Variants in SDR42E1 observed in about 807,000 individuals in gnomAD.
The protein encoded by SDR42E1 is short chain dehydrogenase/reductase family 42E, member 1, also known as short-chain dehydrogenase/reductase family 42E member 1.
A neutral mutation model predicts 2.6 loss-of-function variants in SDR42E1; 5 were observed. The observed-to-expected ratio is 1.94, with a 90% confidence interval of 1.01 to 4.08. SDR42E1 has a LOEUF of 4.08. Among genes scored for constraint, SDR42E1 ranks in the 30% most tolerant of loss-of-function variants. The probability of loss-of-function intolerance (pLI) is 0.00; values close to 1 mark genes in which losing one functional copy is unlikely to be tolerated. For synonymous variants in SDR42E1, 231 were observed against 188.3 expected, an observed-to-expected ratio of 1.23 and a Z score of -1.86; for missense variants, 596 against 478.6, an observed-to-expected ratio of 1.25 and a Z score of -2.29.
chr16:82,003,590 C>T (rs1472373333), intron 1 of SDR42E1, among the ~76,000 whole-genome samples: 6 of 152,314 alleles, frequency 3.9e-5, no homozygotes, highest in Non-Finnish European at 5.9e-5. Flanking sequence ...CAGTGTGACA[C>T]ATCGTATACT....
chr16:82,008,876 G>A (rs1417527834), intron 1 of SDR42E1, among the ~76,000 whole-genome samples: 2 of 152,216 alleles, frequency 1.3e-5, no homozygotes, highest in African/African-American at 4.8e-5. Context: ...CAAAGGCCCA[G>A]AAGTCTAGGA....
In SDR42E1 at chr16:82,000,216, C is replaced by T. The variant is rs1912710158; in HGVS notation, c.77G>A (p.Cys26Tyr). The T allele has an allele frequency of 6.2e-7, 1 of 1,606,252 alleles. No individual in the cohort carries two copies. The highest frequency in any genetic ancestry group is 1.3e-5 in the African/African-American group (1 of 74,860). Residue 26 changes from cysteine to tyrosine, a missense_variant, in exon 3 of 3, where the codon TGT (cysteine) becomes TAT (tyrosine). Transcript: ENST00000328945. ...GSGYFGFRLGCALNQNGVHVI... is the reference protein window; with the variant it reads ...GSGYFGFRLGYALNQNGVHVI... The stretch of plus-strand genomic sequence containing the variant: ...ATGGACTCCATTTTGGTTCAGGGCA[C>T]AGCCCAGGCTGAAATAAGAAACAGT...
In SDR42E1 at chr16:81,993,790, A is replaced by G. The variant is rs1912480996; in HGVS notation, c.*5321T>C. The G allele has an allele frequency of 6.6e-6, 1 of 152,030 alleles. No individual in the cohort carries two copies. The allele number at this position is 152,030 out of a possible 1,614,324, so 9.4% of individuals were successfully genotyped here. A position where few individuals can be genotyped will look rare whatever the true frequency, so the allele number is the denominator to read the frequency against. On this transcript the variant is annotated 3_prime_UTR_variant, in exon 3 of 3. Transcript: ENST00000328945. ...TTCTGGGGAGCAAATCACTTCATCA[A>G]ACAATTTCCATATAAAACAAGAGTT...
In SDR42E1 at chr16:82,000,121, T is replaced by A. The variant is rs1189614892; in HGVS notation, c.172A>T (p.Ile58Phe). 7 of 1,614,272 alleles carry A rather than the reference T, an allele frequency of 4.3e-6. No individual in the cohort carries two copies. The change falls in exon 3 of 3, where the codon ATC (isoleucine) becomes TTC (phenylalanine). Residue 58 changes from isoleucine (I) to phenylalanine (F), a missense_variant. Coordinates refer to ENST00000328945, the MANE Select transcript of SDR42E1 (RefSeq NM_145168.3). ...TTCTCTACGTCAGACAGGTGGCGGA[T>A]GTCTCCTTGTATAAACTTGATTCCT... Reference protein sequence around the residue: ...PEGIKFIQGDIRHLSDVEKAF... With the variant: ...PEGIKFIQGDFRHLSDVEKAF...
chr16:82,000,097 T>C lies in SDR42E1; in HGVS notation c.196A>G (p.Lys66Glu), dbSNP rs763198395. The C allele has an allele frequency of 3.7e-6, 6 of 1,614,120 alleles. No homozygotes were observed. The African/African-American group carries it at 8.0e-5, about 22-fold the overall frequency. ...GDIRHLSDVE[K>E]AFQDADVTCV... is the part of the protein sequence containing the mutation. The stretch of plus-strand genomic sequence containing the variant: ...GTGACGTCTGCATCCTGGAAGGCTT[T>C]CTCTACGTCAGACAGGTGGCGGATG... Residue 66 changes from lysine to glutamate, a missense_variant, in exon 3 of 3, where the codon AAA becomes GAA. Coordinates refer to ENST00000328945, the MANE Select transcript of SDR42E1 (RefSeq NM_145168.3).
At chr16:82,007,801 A>T (rs1157463874) in intron 1 of SDR42E1, 1 of 152,216 alleles carries the variant, frequency 6.6e-6, no homozygotes, top group African/African-American at 2.4e-5. Context: ...TCTGGGCATT[A>T]GACTTGGCTC....
chr16:82,000,296 T>C lies in SDR42E1; in HGVS notation c.69-72A>G, dbSNP rs766324320. On this transcript the variant is annotated intron_variant, in intron 2 of 2. Coordinates refer to ENST00000328945, the MANE Select transcript of SDR42E1 (RefSeq NM_145168.3). ...TGCCTAGGGGAAGTGTATAAAGTAA[T>C]TTACCAATCAAGGTGGGGCTGATCC... The C allele has an allele frequency of 5.1e-6, 8 of 1,577,748 alleles. No homozygotes were observed. The East Asian group carries it at 1.3e-4, about 26-fold the overall frequency.
At chr16:82,005,429 T>C (rs1055040862) in intron 1 of SDR42E1, among the ~76,000 whole-genome samples, 2 of 152,196 alleles carry the variant, frequency 1.3e-5, no homozygotes, top group African/African-American at 4.8e-5. Context: ...CTTCACAGGA[T>C]GGTAGCCATC....
intron 1 of SDR42E1, among the ~76,000 whole-genome samples, chr16:82,002,343 A>G (rs904496512): frequency 5.9e-5 from 9 of 152,050 alleles, no homozygotes; most frequent in African/African-American, 2.2e-4. Context: ...ATTTCTCTAG[A>G]TTTCACTTTT....
rs1306750924 is a variant in SDR42E1 at position 81,998,715 on chromosome 16, AGT to A, written c.*394_*395del. On this transcript the variant is annotated 3_prime_UTR_variant, in exon 3 of 3. Coordinates refer to ENST00000328945, the MANE Select transcript of SDR42E1 (RefSeq NM_145168.3). ...TTTTTCACACGCATTCAAGCCTGAT[AGT>A]GTTTCGCCATTCCCACATCAGTCAG... The A allele has an allele frequency of 5.3e-6, 1 of 187,402 alleles. No individual in the cohort carries two copies. Among genetic ancestry groups the A allele is most frequent in the Non-Finnish European group, 1.1e-5 (1 of 90,698 alleles). 11.6% of individuals were successfully genotyped at this position (187,402 alleles called of 1,614,324 possible). A position where few individuals can be genotyped will look rare whatever the true frequency, so the allele number is the denominator to read the frequency against.
rs1055091246 is a variant in SDR42E1, at chr16:81,993,181, T to G, written c.*5930A>C. 1.3e-5 allele frequency: 2 copies of G among 152,216 alleles called. No individual in the cohort carries two copies. The highest frequency in any genetic ancestry group is 2.4e-5 in the African/African-American group (1 of 41,436). 9.4% of individuals were successfully genotyped at this position (152,216 alleles called of 1,614,324 possible). The stretch of plus-strand genomic sequence containing the variant: ...GAGTCCCATCTCCCCCTTCATTCAT[T>G]CAGCAAAGTTGTACTGAGCACCTGC... On this transcript the variant is annotated 3_prime_UTR_variant, in exon 3 of 3. Coordinates refer to ENST00000328945, the MANE Select transcript of SDR42E1 (RefSeq NM_145168.3).
At chr16:82,009,607 T>G (rs548824040) in intron 1 of SDR42E1, among the ~76,000 whole-genome samples, 16 of 152,384 alleles carry the variant, frequency 1.0e-4, no homozygotes, top group African/African-American at 3.1e-4. Flanking sequence ...ACCCAATACC[T>G]GTACCCCCAT....
intron 1 of SDR42E1, among the ~76,000 whole-genome samples, chr16:82,001,887 G>A (rs1473689846): frequency 7.2e-6 from 1 of 138,222 alleles, no homozygotes; most frequent in African/African-American, 2.9e-5. Flanking sequence ...GGGCGACAGA[G>A]CAAGACTCCA....
rs1027405224 is a variant in SDR42E1, at chr16:81,999,361, A to C, written c.932T>G (p.Leu311Arg). The change falls in exon 3 of 3, where the codon CTC (leucine) becomes CGC (arginine). Residue 311 changes from leucine (L) to arginine (R), a missense_variant. Leu to Arg is a moderately radical substitution (Grantham distance 102, BLOSUM62 -2). Transcript: ENST00000328945. ...LGRLYNFQPF[L>R]TRTEVYKTGV... ...AGTTTTGTAAACTTCAGTGCGAGTG[A>C]GGAAGGGCTGGAAGTTGTAGAGTCG... The C allele has an allele frequency of 1.1e-5, 17 of 1,614,242 alleles. No homozygotes were observed. The highest frequency in any genetic ancestry group is 1.6e-4 in the Middle Eastern group (1 of 6,062).
At chr16:82,008,844 C>A (rs941352371) in intron 1 of SDR42E1, among the ~76,000 whole-genome samples, 1 of 152,206 alleles carries the variant, frequency 6.6e-6, no homozygotes, top group South Asian at 2.1e-4. Flanking sequence ...ATGTCAGAGA[C>A]CTTCTTGGCA....
At position 81,998,483 on chromosome 16, in the gene SDR42E1, G is replaced by T. The variant is rs1233514710; in HGVS notation, c.*628C>A. The T allele has an allele frequency of 8.5e-5, 13 of 152,586 alleles. No homozygotes were observed. Among genetic ancestry groups the T allele is most frequent in the Admixed American group, 5.9e-4 (9 of 15,302 alleles). 9.5% of individuals were successfully genotyped at this position (152,586 alleles called of 1,614,324 possible). A position where few individuals can be genotyped will look rare whatever the true frequency, so the allele number is the denominator to read the frequency against. On this transcript the variant is annotated 3_prime_UTR_variant, in exon 3 of 3. Transcript: ENST00000328945. ...GTGTTGAGGAGCGCTTTGTATGCTT[G>T]AATTTAATCCTCAAAAGAATCCTAT...
At position 81,995,993 on chromosome 16, in the gene SDR42E1, G is replaced by A. The variant is rs1912532680; in HGVS notation, c.*3118C>T. 1 of 152,220 alleles carries A rather than the reference G, an allele frequency of 6.6e-6. No homozygotes were observed. Among genetic ancestry groups the A allele is most frequent in the Admixed American group, 6.5e-5 (1 of 15,282 alleles). The allele number at this position is 152,220 out of a possible 1,614,324, so 9.4% of individuals were successfully genotyped here. On this transcript the variant is annotated 3_prime_UTR_variant, in exon 3 of 3. Transcript: ENST00000328945. ...AGAGACACGAAATAAACATTATTCA[G>A]GCCAAAAGGAGGAGCAGGGAGCCTG...
At chr16:82,001,755 A>C (rs1410775512) in intron 1 of SDR42E1, among the ~76,000 whole-genome samples, 2 of 151,866 alleles carry the variant, frequency 1.3e-5, no homozygotes, top group African/African-American at 4.8e-5. Flanking sequence ...ACAAAAAATT[A>C]GCCGGGCGTG....
rs149993102 is a variant in SDR42E1 at position 81,989,936 on chromosome 16, T to G, written c.*9175A>C. On this transcript the variant is annotated 3_prime_UTR_variant, in exon 3 of 3. Transcript: ENST00000328945. ...TTACTCGAACCTGGGAGGCGGAGGT[T>G]GCAGTGAGCCAAGATTGTGCCACTG... is the stretch of plus-strand genomic sequence containing the variant. 368 of 152,458 alleles carry G rather than the reference T, an allele frequency of 2.4e-3. No individual in the cohort carries two copies. The highest frequency in any genetic ancestry group is 4.2e-3 in the Non-Finnish European group (285 of 68,206). 9.4% of individuals were successfully genotyped at this position (152,458 alleles called of 1,614,324 possible).
Sources: gnomAD v4.1 joint callset for allele counts (sites outside exome capture counted in the v4.1 genomes callset) on GRCh38, gnomAD v4.1.1 for gene constraint, MANE v1.5 for transcripts, NCBI Gene and HGNC (gene_info 2026-07-23, HGNC 2026-07-21) for gene names.